The following DCLK1 variants were observed in gnomAD, a reference collection of about 807,000 sequenced individuals.
DCLK1 encodes doublecortin like kinase 1.
Under a neutral mutation model 86.2 loss-of-function variants are expected in DCLK1, and 16 were observed. The observed-to-expected ratio is 0.19, with a 90% CI of 0.13 to 0.28. The LOEUF is 0.28. Ranked by LOEUF, DCLK1 falls within the 10% of genes least tolerant of loss-of-function variation. The pLI, the probability that DCLK1 is intolerant of heterozygous loss-of-function variation, is 1.00. For synonymous variants in DCLK1, 369 were observed against 370.5 expected (o/e 1.00, Z 0.05); for missense variants, 590 against 940.2 (o/e 0.63, Z 4.87).
rs562811723 is a variant in DCLK1, at chr13:35,839,766, CA to C, written c.1036-591del. 1.2e-4 allele frequency among the ~76,000 whole-genome samples: 17 copies of C among 145,612 alleles called. No individual in the cohort carries two copies. The East Asian group carries it at 3.5e-3, about 30-fold the overall frequency. On this transcript the variant is annotated intron_variant, in intron 6 of 16. Coordinates refer to ENST00000360631, the MANE Select transcript of DCLK1 (RefSeq NM_001330071.2). ...TTACATAATAAGTCTGAAGTAAAGA[CA>C]ACAATAAAAGCCTAGGCCTTGTAAT...
At chr13:35,798,376 T>A (rs2086854533) in intron 15 of DCLK1, among the ~76,000 whole-genome samples, 1 of 152,256 alleles carries the variant, frequency 6.6e-6, no homozygotes, top group Non-Finnish European at 1.5e-5. Flanking sequence ...AGTCTATTCA[T>A]TGCCAGACTC....
At chr13:36,050,980 C>T (rs193073588) in intron 3 of DCLK1, among the ~76,000 whole-genome samples, 8 of 152,220 alleles carry the variant, frequency 5.3e-5, no homozygotes, top group Admixed American at 5.2e-4. Flanking sequence ...GTCAACAAGC[C>T]ATTCACAACA....
At chr13:35,907,306 G>T (rs1874741281) in intron 4 of DCLK1, among the ~76,000 whole-genome samples, 1 of 152,042 alleles carries the variant, frequency 6.6e-6, no homozygotes, top group South Asian at 2.1e-4. Context: ...GGGACAACAG[G>T]TGTGCTCTGC....
chr13:36,015,103 A>G (rs555020337), intron 3 of DCLK1, among the ~76,000 whole-genome samples: 2 of 151,196 alleles, frequency 1.3e-5, no homozygotes, highest in Non-Finnish European at 2.9e-5. Flanking sequence ...TGTCTCTTTC[A>G]TTCACCAATA....
At chr13:35,836,542 C>T (rs1187226442) in intron 7 of DCLK1, among the ~76,000 whole-genome samples, 1 of 152,202 alleles carries the variant, frequency 6.6e-6, no homozygotes, top group Non-Finnish European at 1.5e-5. Flanking sequence ...GCAAGGGACT[C>T]TGGGCTGCTT....
At chr13:36,026,641 G>A (rs538638730) in intron 3 of DCLK1, among the ~76,000 whole-genome samples, 2 of 152,232 alleles carry the variant, frequency 1.3e-5, no homozygotes, top group African/African-American at 4.8e-5. Context: ...ATTGCTTTAG[G>A]GCTGTGGAGG....
In DCLK1 at chr13:35,946,626, C is replaced by T. The variant is rs188722342; in HGVS notation, c.823+732G>A. On this transcript the variant is annotated intron_variant, in intron 4 of 16. Coordinates refer to ENST00000360631, the MANE Select transcript of DCLK1 (RefSeq NM_001330071.2). ...AGAATTTGGGTTGTCAGTAAATATG[C>T]AATACTCCCATAATTAAATTAGAGT... Among the ~76,000 whole-genome samples, 275 of 152,272 alleles carry T rather than the reference C, an allele frequency of 1.8e-3. 4 individuals are homozygous for T. The highest frequency in any genetic ancestry group is 0.014 in the Admixed American group (219 of 15,298).
intron 2 of DCLK1, among the ~76,000 whole-genome samples, chr13:36,116,674 G>T (rs1227993983): frequency 6.6e-6 from 1 of 152,070 alleles, no homozygotes; most frequent in African/African-American, 2.4e-5. Flanking sequence ...TCAATATGTG[G>T]CATAGTCAAA....
At position 35,770,392 on chromosome 13, in the gene DCLK1, T is replaced by G. The variant is rs543656778; in HGVS notation, c.*4143A>C. ...AAAAATGTTAATTTTGGAAGTGCTT[T>G]TAATCACTATTTTCCCCAACAGACT... On this transcript the variant is annotated 3_prime_UTR_variant, in exon 17 of 17. Coordinates refer to ENST00000360631, the MANE Select transcript of DCLK1 (RefSeq NM_001330071.2). 16 of 152,326 alleles carry G rather than the reference T, an allele frequency of 1.1e-4. No homozygotes were observed. The highest frequency in any genetic ancestry group is 8.5e-4 in the Admixed American group (13 of 15,304). The allele number at this position is 152,326 out of a possible 1,614,324, so 9.4% of individuals were successfully genotyped here.
intron 2 of DCLK1, among the ~76,000 whole-genome samples, chr13:36,124,446 GCT>G (rs1188642739): frequency 6.6e-6 from 1 of 152,222 alleles, no homozygotes. Flanking sequence ...TCCTCTGCAC[GCT>G]CTCAAGGCCA....
intron 3 of DCLK1, among the ~76,000 whole-genome samples, chr13:36,059,348 T>A (rs1051213642): frequency 4.6e-5 from 7 of 152,212 alleles, no homozygotes; most frequent in Admixed American, 1.3e-4. Context: ...CACACTTTAC[T>A]GCTGCATGGA....
At chr13:35,877,362 A>T (rs1872648171) in intron 4 of DCLK1, among the ~76,000 whole-genome samples, 1 of 152,176 alleles carries the variant, frequency 6.6e-6, no homozygotes, top group Non-Finnish European at 1.5e-5. Context: ...AGTGTTATAG[A>T]AGGTGCTGAA....
intron 4 of DCLK1, among the ~76,000 whole-genome samples, chr13:35,911,826 G>T (rs1875051279): frequency 1.3e-5 from 2 of 152,128 alleles, no homozygotes; most frequent in Admixed American, 1.3e-4. Context: ...GAGCTGATTG[G>T]ATAAAACAGC....
intron 16 of DCLK1, among the ~76,000 whole-genome samples, chr13:35,781,422 A>T (rs1396906266): frequency 6.6e-6 from 1 of 152,240 alleles, no homozygotes; most frequent in Non-Finnish European, 1.5e-5. Flanking sequence ...TATTCTTAAT[A>T]TCACCATCAA....
chr13:35,862,571 A>T (rs1871482161), intron 5 of DCLK1, among the ~76,000 whole-genome samples: 1 of 151,914 alleles, frequency 6.6e-6, no homozygotes, highest in African/African-American at 2.4e-5. Context: ...ATCCCCTTTC[A>T]CTTCATAATA....
At chr13:35,810,680 T>G (rs1359987368) in intron 12 of DCLK1, among the ~76,000 whole-genome samples, 155 bp downstream of exon 12, 1 of 152,174 alleles carries the variant, frequency 6.6e-6, no homozygotes, top group African/African-American at 2.4e-5. Flanking sequence ...GCTCCCACTG[T>G]AAATGTTAAA....
chr13:35,920,011 A>G (rs1407349130), intron 4 of DCLK1, among the ~76,000 whole-genome samples: 4 of 152,084 alleles, frequency 2.6e-5, no homozygotes, highest in African/African-American at 9.7e-5. Flanking sequence ...TTCCCCTTCA[A>G]GTCCACCTTT....
chr13:36,108,801 A>AT (rs1885501739), intron 3 of DCLK1, among the ~76,000 whole-genome samples: 1 of 152,168 alleles, frequency 6.6e-6, no homozygotes, highest in Admixed American at 6.5e-5. Context: ...CAGTTAAACT[A>AT]TTTTTTAAAA....
chr13:35,945,796 A>G (rs1014385546), intron 4 of DCLK1, among the ~76,000 whole-genome samples: 3 of 152,194 alleles, frequency 2.0e-5, no homozygotes, highest in Admixed American at 6.5e-5. Context: ...ATTTACAAAA[A>G]TCTGTGCCTC....
Sources: gnomAD v4.1 joint callset for allele counts (sites outside exome capture counted in the v4.1 genomes callset) on GRCh38, gnomAD v4.1.1 for gene constraint, MANE v1.5 for transcripts, NCBI Gene and HGNC (gene_info 2026-07-23, HGNC 2026-07-21) for gene names.